HDAC8: variants seen among roughly 807,000 people sequenced by gnomAD.
HDAC8 encodes histone deacetylase-like 1.
In HDAC8, 1 loss-of-function variant was observed where a neutral mutation model predicts 32.2. That is an observed-to-expected ratio of 0.03 (90% CI 0.01 to 0.15). The LOEUF (loss-of-function observed/expected upper bound fraction) is 0.15. Ranked by LOEUF, HDAC8 falls within the 10% of genes least tolerant of loss-of-function variation. The probability of loss-of-function intolerance (pLI) is 1.00; values close to 1 mark genes in which losing one functional copy is unlikely to be tolerated. For missense variants in HDAC8, 117 were observed against 300.0 expected, an observed-to-expected ratio of 0.39 and a Z score of 4.51; for synonymous variants, 108 against 113.9, an observed-to-expected ratio of 0.95 and a Z score of 0.33.
At chrX:72,457,258 A>T (rs1241022450) in intron 9 of HDAC8, among the ~76,000 whole-genome samples, 15 of 112,316 alleles carry the variant, frequency 1.3e-4, no homozygotes, top group African/African-American at 4.5e-4. Context: ...AGCTAATATC[A>T]CACTTCATAG....
intron 4 of HDAC8, among the ~76,000 whole-genome samples, chrX:72,552,994 T>C (rs1239089373): frequency 9.0e-6 from 1 of 110,803 alleles, no homozygotes; most frequent in Non-Finnish European, 1.9e-5. Context: ...AAAATCAACA[T>C]TATAAGATAA....
At chrX:72,515,556 T>C (rs1444790183) in intron 4 of HDAC8, among the ~76,000 whole-genome samples, 1 of 74,463 alleles carries the variant, frequency 1.3e-5, no homozygotes, top group African/African-American at 5.9e-5. Context: ...GGACAGATAA[T>C]ACCTCATTCT....
At chrX:72,380,420 A>C (rs2045236254) in intron 9 of HDAC8, among the ~76,000 whole-genome samples, 1 of 112,015 alleles carries the variant, frequency 8.9e-6, no homozygotes, top group African/African-American at 3.2e-5. Context: ...GCTTGGAAGG[A>C]GCTCCAACAT....
chrX:72,531,266 G>A, intron 4 of HDAC8, among the ~76,000 whole-genome samples: 1 of 111,877 alleles, frequency 8.9e-6, no homozygotes, highest in Middle Eastern at 4.6e-3. Context: ...TTTAACTGTG[G>A]AATTACTATA....
chrX:72,398,136 T>C (rs1469769881), intron 9 of HDAC8, among the ~76,000 whole-genome samples: 1 of 112,148 alleles, frequency 8.9e-6, no homozygotes, highest in East Asian at 2.8e-4. Flanking sequence ...TTATTTTTTT[T>C]CCAATCTGGT....
At chrX:72,375,198 G>T (rs1295411744) in intron 9 of HDAC8, among the ~76,000 whole-genome samples, 1 of 111,964 alleles carries the variant, frequency 8.9e-6, no homozygotes, top group African/African-American at 3.2e-5. Context: ...ATTTGTCAGG[G>T]TTCTCCAGAG....
chrX:72,468,720 T>C (rs2048086115), intron 7 of HDAC8, among the ~76,000 whole-genome samples: 1 of 111,651 alleles, frequency 9.0e-6, no homozygotes, highest in Admixed American at 9.5e-5. Context: ...AAATAAGCAA[T>C]ACTCAGGAAG....
In HDAC8 at chrX:72,572,702, A is replaced by G; in HGVS notation, c.60T>C (p.Tyr20=). 4.1e-6 allele frequency: 5 copies of G among 1,206,577 alleles called. No individual in the cohort carries two copies. The highest frequency in any genetic ancestry group is 5.6e-6 in the Non-Finnish European group (5 of 894,446). The change falls in exon 1 of 11, where the codon TAT becomes TAC. Residue 20 remains tyrosine (Y), a synonymous_variant. Transcript: ENST00000373573. ...CACACATACTGACATACTCGGGACT[A>G]TAGATATAAACCGGGACCAGCGACT... ...SGQSLVPVYI[Y]SPEYVSMCDS...
chrX:72,416,356 G>A (rs1441851940), intron 9 of HDAC8, among the ~76,000 whole-genome samples: 3 of 95,445 alleles, frequency 3.1e-5, no homozygotes, highest in Non-Finnish European at 6.1e-5. Flanking sequence ...ACCTGTGGAA[G>A]CTGTGGTAAG....
intron 10 of HDAC8, among the ~76,000 whole-genome samples, chrX:72,336,784 C>G (rs782251629): frequency 4.5e-5 from 5 of 110,165 alleles, no homozygotes; most frequent in African/African-American, 1.7e-4. Flanking sequence ...GGGTCTCGCT[C>G]TGTTGCCCAG....
chrX:72,351,928 C>A, intron 9 of HDAC8, 90 bp from the exon 10 acceptor site: 1 of 652,289 alleles, frequency 1.5e-6, no homozygotes, highest in South Asian at 2.8e-5. Flanking sequence ...GAAACTCATA[C>A]TACCAACAAG....
chrX:72,469,407 C>T (rs1396482722), intron 7 of HDAC8, among the ~76,000 whole-genome samples: 2 of 112,529 alleles, frequency 1.8e-5, no homozygotes, highest in Non-Finnish European at 3.8e-5. Context: ...ATCCTCCCAC[C>T]TTGGCCTCCC....
chrX:72,487,167 A>G (rs1176410809), intron 7 of HDAC8, among the ~76,000 whole-genome samples: 1 of 111,867 alleles, frequency 8.9e-6, no homozygotes, highest in Non-Finnish European at 1.9e-5. Context: ...TGCTTTTTGT[A>G]AAGCGAAATC....
chrX:72,472,325 C>T (rs1211056102), intron 7 of HDAC8, among the ~76,000 whole-genome samples: 1 of 111,298 alleles, frequency 9.0e-6, no homozygotes, highest in African/African-American at 3.3e-5. Flanking sequence ...CCTCGGCCTC[C>T]CAAAGTGCTG....
chrX:72,509,015 T>C (rs2049481643), intron 4 of HDAC8, among the ~76,000 whole-genome samples: 1 of 111,431 alleles, frequency 9.0e-6, no homozygotes, highest in African/African-American at 3.3e-5. Flanking sequence ...GCCACAAAAC[T>C]ATCCCTTACC....
intron 4 of HDAC8, among the ~76,000 whole-genome samples, chrX:72,531,741 C>T (rs1485611251): frequency 1.8e-5 from 2 of 112,242 alleles, no homozygotes; most frequent in Non-Finnish European, 3.8e-5. Context: ...TTGTGACTAG[C>T]TTCTTTAACT....
At chrX:72,398,866 T>C (rs1358356696) in intron 9 of HDAC8, among the ~76,000 whole-genome samples, 1 of 109,326 alleles carries the variant, frequency 9.1e-6, no homozygotes, top group Non-Finnish European at 1.9e-5. Flanking sequence ...ACAGAAATTA[T>C]CCCCTATCCC....
chrX:72,510,515 A>C (rs1244596820), intron 4 of HDAC8, among the ~76,000 whole-genome samples: 1 of 111,855 alleles, frequency 8.9e-6, no homozygotes, highest in Non-Finnish European at 1.9e-5. Flanking sequence ...TTTTGGACCC[A>C]TAGGCCATCT....
chrX:72,438,585 C>T (rs900576666), intron 9 of HDAC8, among the ~76,000 whole-genome samples: 1 of 111,070 alleles, frequency 9.0e-6, no homozygotes, highest in Non-Finnish European at 1.9e-5. Context: ...AGAGGAATTG[C>T]TAACTAGAAT....
Sources: allele counts gnomAD v4.1 joint callset (sites outside exome capture counted in the v4.1 genomes callset), GRCh38; gene constraint gnomAD v4.1.1; transcripts MANE v1.5; gene names NCBI Gene and HGNC (gene_info 2026-07-23, HGNC 2026-07-21).